ABL2: variants seen among roughly 807,000 people sequenced by gnomAD.
ABL2 encodes the protein ABL proto-oncogene 2, non-receptor tyrosine kinase, also known as tyrosine-protein kinase ABL2.
Under a neutral mutation model 107.7 loss-of-function variants are expected in ABL2, and 49 were observed. That is an observed-to-expected ratio of 0.45 (90% CI 0.36 to 0.58). The LOEUF (loss-of-function observed/expected upper bound fraction) is 0.58, where lower values mean the gene tolerates loss of function less well. Ranked by LOEUF, ABL2 falls within the 20% of genes least tolerant of loss-of-function variation. The probability of loss-of-function intolerance (pLI) is 0.00; values close to 1 mark genes in which losing one functional copy is unlikely to be tolerated. For missense variants in ABL2, 1,245 were observed against 1,457.0 expected, an observed-to-expected ratio of 0.85 and a Z score of 2.37; for synonymous variants, 549 against 548.6, an observed-to-expected ratio of 1.00 and a Z score of -0.01.
chr1:179,170,451 C>T (rs1659652765), intron 1 of ABL2, among the ~76,000 whole-genome samples: 1 of 151,396 alleles, frequency 6.6e-6, no homozygotes, highest in South Asian at 2.1e-4. Context: ...GACTCTTATT[C>T]TGTCACCCAG....
chr1:179,202,745 G>A (rs139178204), intron 1 of ABL2, among the ~76,000 whole-genome samples: 8 of 152,172 alleles, frequency 5.3e-5, no homozygotes, highest in African/African-American at 1.7e-4. Context: ...GAATACAGAC[G>A]CCTTCAAGGA....
At chr1:179,127,528 T>C (rs933625238) in intron 3 of ABL2, among the ~76,000 whole-genome samples, 5 of 152,228 alleles carry the variant, frequency 3.3e-5, no homozygotes, top group Non-Finnish European at 7.3e-5. Context: ...GACTTCAACA[T>C]ATAACTTGCC....
At chr1:179,124,657 C>G (rs998085536) in intron 4 of ABL2, among the ~76,000 whole-genome samples, 3 of 151,820 alleles carry the variant, frequency 2.0e-5, no homozygotes, top group African/African-American at 7.3e-5. Context: ...GTAGTAGAGA[C>G]AGGGTTTCAC....
In ABL2 at chr1:179,126,082, A is replaced by G. The variant is rs1655696334; in HGVS notation, c.687+295T>C. 6.6e-6 allele frequency among the ~76,000 whole-genome samples: 1 copy of G among 152,246 alleles called. No individual in the cohort carries two copies. Among genetic ancestry groups the G allele is most frequent in the African/African-American group, 2.4e-5 (1 of 41,464 alleles). On this transcript the variant is annotated intron_variant, in intron 4 of 11. Transcript: ENST00000502732. This position sits in a 1 kb window ranked among gnomAD's most constrained non-coding sequence, Gnocchi z 4.4. ...AACTCTATACCAGTGCACTGGGTGT[A>G]TATTTGTGTACTGATTATAAGAACA... is the stretch of plus-strand genomic sequence containing the variant.
chr1:179,104,946 C>T lies in ABL2; in HGVS notation c.*2772G>A, dbSNP rs556857143. The T allele has an allele frequency of 4.5e-6, 1 of 224,242 alleles. No individual in the cohort carries two copies. The highest frequency in any genetic ancestry group is 1.8e-4 in the South Asian group (1 of 5,444). The allele number at this position is 224,242 out of a possible 1,614,324, so 13.9% of individuals were successfully genotyped here. A position where few individuals can be genotyped will look rare whatever the true frequency, so the allele number is the denominator to read the frequency against. ...ATTTACATAAGGGTTTGTGTTTAAG[C>T]TGGTCCTTTTCAAGTAGAAAAAGGA... On this transcript the variant is annotated 3_prime_UTR_variant, in exon 12 of 12. Coordinates refer to ENST00000502732, the MANE Select transcript of ABL2 (RefSeq NM_007314.4).
chr1:179,170,650 A>G (rs1170280160), intron 1 of ABL2, among the ~76,000 whole-genome samples: 1 of 152,150 alleles, frequency 6.6e-6, no homozygotes, highest in East Asian at 1.9e-4. Flanking sequence ...GCTGGAGTGC[A>G]GTGGCACGAT....
rs61821669 is a variant in ABL2, at chr1:179,126,002, G to C, written c.687+375C>G. Among the ~76,000 whole-genome samples, 6 of 152,086 alleles carry C rather than the reference G, an allele frequency of 3.9e-5. No individual in the cohort carries two copies. The highest frequency in any genetic ancestry group is 7.2e-5 in the African/African-American group (3 of 41,406). On this transcript the variant is annotated intron_variant, in intron 4 of 11. Coordinates refer to ENST00000502732, the MANE Select transcript of ABL2 (RefSeq NM_007314.4). The surrounding 1 kb of genome is among the most constrained non-coding windows in gnomAD (Gnocchi z 4.4). The stretch of plus-strand genomic sequence containing the variant: ...GCTCAAAAGTCTAAATTCTTACTCT[G>C]TGAACTTTCTGGTAGATATTATTCT...
At chr1:179,217,802 G>A (rs1662654062) in intron 1 of ABL2, among the ~76,000 whole-genome samples, 2 of 151,856 alleles carry the variant, frequency 1.3e-5, no homozygotes, top group South Asian at 4.2e-4. Context: ...TCTAACCCTG[G>A]TCTACCAGTC....
chr1:179,115,905 G>A (rs1262123792), intron 8 of ABL2, among the ~76,000 whole-genome samples: 1 of 152,024 alleles, frequency 6.6e-6, no homozygotes, highest in Non-Finnish European at 1.5e-5. Context: ...TATTTCTATT[G>A]GTCCACAATC....
intron 1 of ABL2, among the ~76,000 whole-genome samples, chr1:179,228,469 T>C (rs1471085603): frequency 2.0e-5 from 3 of 152,144 alleles, no homozygotes; most frequent in Non-Finnish European, 1.5e-5. Flanking sequence ...GGAGCATACA[T>C]ACATGTATGT....
chr1:179,109,394 G>A lies in ABL2; in HGVS notation c.1873C>T (p.Arg625Ter). ...CTGGGTGACTTGTCTCTTTGCTTTCGAGGCAGTGCTGGGGATCCACTAGAG... is the reference window on the plus strand; with the variant it reads ...CTGGGTGACTTGTCTCTTTGCTTTCAAGGCAGTGCTGGGGATCCACTAGAG... ...QASSGSPALP[R>*]KQRDKSPSSL... is the part of the protein sequence containing the mutation. The change falls in exon 12 of 12, where the codon CGA becomes TGA. Residue 625 changes from arginine to a stop codon, truncating the protein, a stop_gained. Transcript: ENST00000502732. LOFTEE classifies it high-confidence loss of function. 1 of 1,613,976 alleles carries A rather than the reference G, an allele frequency of 6.2e-7. No individual in the cohort carries two copies. Among genetic ancestry groups the A allele is most frequent in the Non-Finnish European group, 8.5e-7 (1 of 1,180,012 alleles).
chr1:179,117,052 G>A, intron 8 of ABL2: 1 of 413,376 alleles, frequency 2.4e-6, no homozygotes, highest in Non-Finnish European at 4.5e-6. Context: ...TGGCCAGGCT[G>A]GTCTCGAACT....
chr1:179,216,712 C>T (rs1051140851), intron 1 of ABL2, among the ~76,000 whole-genome samples: 1 of 151,312 alleles, frequency 6.6e-6, no homozygotes, highest in Non-Finnish European at 1.5e-5. Flanking sequence ...TGTGGTTACA[C>T]AGATTCTTTT....
chr1:179,162,571 C>A (rs577657989), intron 1 of ABL2, among the ~76,000 whole-genome samples: 1 of 151,532 alleles, frequency 6.6e-6, no homozygotes, highest in Admixed American at 6.6e-5. Flanking sequence ...GGCAACAGAG[C>A]GAGACTCTGT....
intron 1 of ABL2, chr1:179,201,951 A>G: frequency 8.5e-7 from 1 of 1,174,320 alleles, no homozygotes; most frequent in South Asian, 3.0e-5. Flanking sequence ...ACCCAACCCC[A>G]GCCAGGGCTC....
chr1:179,215,605 T>C (rs1441827926), intron 1 of ABL2, among the ~76,000 whole-genome samples: 5 of 151,590 alleles, frequency 3.3e-5, no homozygotes, highest in African/African-American at 1.2e-4. Context: ...CACATGCCTG[T>C]AATCCCAGCT....
In ABL2 at chr1:179,099,334, C is replaced by A. The variant is rs550167013; in HGVS notation, c.*8384G>T. ...ACACTCCAATCTCCAGCCTACTTTGCCAATAAAATATTGCAACCTTTATTT... is the reference window on the plus strand; with the variant it reads ...ACACTCCAATCTCCAGCCTACTTTGACAATAAAATATTGCAACCTTTATTT... On this transcript the variant is annotated 3_prime_UTR_variant, in exon 12 of 12. Coordinates refer to ENST00000502732, the MANE Select transcript of ABL2 (RefSeq NM_007314.4). 253 of 191,978 alleles carry A rather than the reference C, an allele frequency of 1.3e-3. No individual in the cohort carries two copies. The highest frequency in any genetic ancestry group is 3.7e-3 in the Middle Eastern group (2 of 534). 11.9% of individuals were successfully genotyped at this position (191,978 alleles called of 1,614,324 possible). A position where few individuals can be genotyped will look rare whatever the true frequency, so the allele number is the denominator to read the frequency against.
At chr1:179,155,679 C>T (rs1252122694) in intron 1 of ABL2, among the ~76,000 whole-genome samples, 2 of 150,824 alleles carry the variant, frequency 1.3e-5, no homozygotes, top group Non-Finnish European at 2.9e-5. Flanking sequence ...TGCAATGAGC[C>T]GAGATCGGGC....
intron 1 of ABL2, among the ~76,000 whole-genome samples, chr1:179,189,472 C>A (rs1660875166): frequency 6.6e-6 from 1 of 152,102 alleles, no homozygotes; most frequent in Admixed American, 6.6e-5. Flanking sequence ...CCAGGAATTT[C>A]TCAGAGAACA....
Sources: allele counts gnomAD v4.1 joint callset (sites outside exome capture counted in the v4.1 genomes callset), GRCh38; gene constraint gnomAD v4.1.1; non-coding constraint Gnocchi (gnomAD v3.1); transcripts MANE v1.5; gene names NCBI Gene and HGNC (gene_info 2026-07-23, HGNC 2026-07-21).